PPP1R9A: variants seen among roughly 807,000 people sequenced by gnomAD.
PPP1R9A encodes the protein protein phosphatase 1 regulatory subunit 9A, also known as neurabin-1.
PPP1R9A carries 59 observed loss-of-function variants against 141.9 expected under a neutral mutation model. The observed-to-expected ratio is 0.42, with a 90% CI of 0.34 to 0.52. PPP1R9A has a LOEUF of 0.52. Among genes scored for constraint, PPP1R9A ranks in the 20% least tolerant of loss-of-function variants. The probability of loss-of-function intolerance (pLI) is 0.10; values close to 1 mark genes in which losing one functional copy is unlikely to be tolerated. For missense variants in PPP1R9A, 1,444 were observed against 1,611.9 expected (o/e 0.90, Z 1.78); for synonymous variants, 500 against 569.7 (o/e 0.88, Z 1.74).
intron 5 of PPP1R9A, among the ~76,000 whole-genome samples, chr7:95,180,104 A>C (rs1013074224): frequency 2.0e-5 from 3 of 152,204 alleles, no homozygotes; most frequent in Non-Finnish European, 2.9e-5. Context: ...TGGAGCCATC[A>C]CATTACCTGA....
At chr7:94,987,032 G>C (rs1228324563) in intron 2 of PPP1R9A, among the ~76,000 whole-genome samples, 1 of 152,158 alleles carries the variant, frequency 6.6e-6, no homozygotes, top group African/African-American at 2.4e-5. Context: ...TTGATAACAT[G>C]AACTATCCAG....
intron 2 of PPP1R9A, among the ~76,000 whole-genome samples, chr7:95,087,684 C>G (rs966580942): frequency 1.3e-5 from 2 of 151,978 alleles, no homozygotes; most frequent in African/African-American, 2.4e-5. Context: ...ATCACGAGGT[C>G]AGGAGTTCAA....
At chr7:94,941,709 A>T (rs1015467483) in intron 2 of PPP1R9A, among the ~76,000 whole-genome samples, 13 of 151,984 alleles carry the variant, frequency 8.6e-5, no homozygotes, top group Non-Finnish European at 1.9e-4. Flanking sequence ...CAAGTGTGGG[A>T]ACCTAATGTC....
chr7:95,123,620 G>A (rs535794067), intron 4 of PPP1R9A, among the ~76,000 whole-genome samples: 1 of 152,282 alleles, frequency 6.6e-6, no homozygotes, highest in Admixed American at 6.5e-5. Context: ...TTGAGCTCCA[G>A]CCTGGGGGAC....
intron 2 of PPP1R9A, among the ~76,000 whole-genome samples, chr7:95,041,323 G>A (rs1049389948): frequency 6.6e-6 from 1 of 152,116 alleles, no homozygotes; most frequent in Admixed American, 6.6e-5. Flanking sequence ...AGAAAAATAG[G>A]AGGAAAAACC....
chr7:95,044,708 C>G (rs999047907), intron 2 of PPP1R9A, among the ~76,000 whole-genome samples: 3 of 135,766 alleles, frequency 2.2e-5, no homozygotes, highest in Admixed American at 7.7e-5. Flanking sequence ...CCACACCCAG[C>G]TAATTAAATA....
chr7:95,136,242 C>T lies in PPP1R9A; in HGVS notation c.1649+15410C>T, dbSNP rs529868481. Among the ~76,000 whole-genome samples the T allele has an allele frequency of 1.8e-3, 269 of 152,234 alleles. 22 individuals carry two copies. The highest frequency in any genetic ancestry group is 1.1e-3 in the Non-Finnish European group (77 of 68,000). The stretch of plus-strand genomic sequence containing the variant: ...ATCAACTTATAACACAAAGTCTCTG[C>T]TCCTAACACATCTTTACACAACATA... On this transcript the variant is annotated intron_variant, in intron 4 of 19. Coordinates refer to ENST00000433360, the MANE Select transcript of PPP1R9A (RefSeq NM_001166160.2).
intron 10 of PPP1R9A, 94 bp from the exon 11 acceptor site, chr7:95,251,668 A>T: frequency 8.8e-7 from 1 of 1,135,056 alleles, no homozygotes; most frequent in Non-Finnish European, 1.2e-6. Context: ...ATAACTGTTC[A>T]GTTGCTTATC....
intron 2 of PPP1R9A, among the ~76,000 whole-genome samples, chr7:94,997,549 TAGGGTGTTTG>T (rs1166338678): frequency 6.6e-6 from 1 of 152,162 alleles, no homozygotes; most frequent in African/African-American, 2.4e-5. Context: ...GCTCAGTGTT[TAGGGTGTTTG>T]AGTCTCTCTA....
chr7:95,211,226 T>TG (rs1224228416), intron 7 of PPP1R9A, among the ~76,000 whole-genome samples: 1 of 152,046 alleles, frequency 6.6e-6, no homozygotes, highest in Non-Finnish European at 1.5e-5. Context: ...GGCCTGATAC[T>TG]CTCAGTTTGA....
intron 2 of PPP1R9A, among the ~76,000 whole-genome samples, chr7:94,948,239 CTTAG>C (rs199693581): frequency 0.021 from 3,259 of 152,184 alleles, 47 homozygotes; most frequent in South Asian, 0.056. Context: ...AAACCTGTCA[CTTAG>C]TTGGTACAGT....
intron 5 of PPP1R9A, among the ~76,000 whole-genome samples, chr7:95,190,363 C>T (rs1835315719): frequency 6.6e-6 from 1 of 152,152 alleles, no homozygotes; most frequent in African/African-American, 2.4e-5. Flanking sequence ...GTAAAGAATC[C>T]TGTGATGTGA....
chr7:95,108,721 A>G (rs1820016642), intron 2 of PPP1R9A: 1 of 152,102 alleles, frequency 6.6e-6, no homozygotes, highest in African/African-American at 2.4e-5. Flanking sequence ...GAACTTTATA[A>G]ACTAGCCCGA....
At chr7:95,071,106 T>C (rs11977722) in intron 2 of PPP1R9A, among the ~76,000 whole-genome samples, 2,053 of 152,054 alleles carry the variant, frequency 0.014, 48 homozygotes, top group African/African-American at 0.048. Flanking sequence ...ATTCAGGGCT[T>C]ATAAAACTAA....
chr7:95,212,709 T>G (rs1460086573), intron 7 of PPP1R9A, among the ~76,000 whole-genome samples: 2 of 152,144 alleles, frequency 1.3e-5, no homozygotes, highest in African/African-American at 2.4e-5. Flanking sequence ...ACTTCCTCCT[T>G]GTATGCCAAG....
chr7:95,046,944 C>G (rs1179152108), intron 2 of PPP1R9A, among the ~76,000 whole-genome samples: 1 of 152,178 alleles, frequency 6.6e-6, no homozygotes, highest in African/African-American at 2.4e-5. Flanking sequence ...CAACTGTGAC[C>G]ACTAAGCTAA....
chr7:95,128,947 T>G (rs1200631221), intron 4 of PPP1R9A, among the ~76,000 whole-genome samples: 3 of 152,198 alleles, frequency 2.0e-5, no homozygotes, highest in African/African-American at 7.2e-5. Context: ...GAATGGTGTT[T>G]CCTAGGTTTT....
At chr7:95,164,396 A>G (rs1166439314) in intron 5 of PPP1R9A, among the ~76,000 whole-genome samples, 2 of 150,990 alleles carry the variant, frequency 1.3e-5, no homozygotes, top group South Asian at 2.1e-4. Context: ...TTCTTTTTTT[A>G]CCTCTTTTGG....
intron 2 of PPP1R9A, among the ~76,000 whole-genome samples, chr7:94,968,093 C>T (rs916613189): frequency 4.0e-5 from 6 of 150,980 alleles, no homozygotes; most frequent in African/African-American, 1.5e-4. Context: ...TCTGGGTGCT[C>T]CTGTAGTGGG....
Sources: gnomAD v4.1 joint callset for allele counts (sites outside exome capture counted in the v4.1 genomes callset) on GRCh38, gnomAD v4.1.1 for gene constraint, MANE v1.5 for transcripts, NCBI Gene and HGNC (gene_info 2026-07-23, HGNC 2026-07-21) for gene names.